LPAR1: variants seen among roughly 807,000 people sequenced by gnomAD.
LPAR1 encodes LPA receptor 1.
Under a neutral mutation model 23.8 loss-of-function variants are expected in LPAR1, and 5 were observed. That is an observed-to-expected ratio of 0.21 (90% confidence interval 0.11 to 0.44). The LOEUF (loss-of-function observed/expected upper bound fraction) is 0.44, where lower values mean the gene tolerates loss of function less well. Ranked by LOEUF, LPAR1 falls within the 20% of genes least tolerant of loss-of-function variation. LPAR1 has a pLI of 0.99. For missense variants in LPAR1, 311 were observed against 482.8 expected (o/e 0.64, Z 3.33); for synonymous variants, 160 against 164.7 (o/e 0.97, Z 0.22).
intron 4 of LPAR1, among the ~76,000 whole-genome samples, chr9:110,945,165 T>A (rs943385435): frequency 6.6e-6 from 1 of 152,114 alleles, no homozygotes; most frequent in Non-Finnish European, 1.5e-5. Context: ...TGAAAGCACC[T>A]CCAATGGCAG....
intron 5 of LPAR1, among the ~76,000 whole-genome samples, chr9:110,929,818 G>T (rs922201881): frequency 4.0e-5 from 6 of 151,530 alleles, no homozygotes; most frequent in African/African-American, 1.5e-4. Context: ...TTGTTTTTTA[G>T]TATAAGTATA....
intron 2 of LPAR1, among the ~76,000 whole-genome samples, chr9:110,980,416 G>A (rs1282128988): frequency 1.3e-5 from 2 of 151,994 alleles, no homozygotes; most frequent in East Asian, 3.9e-4. Context: ...CCTCTTTCCT[G>A]GCAAGCCTCA....
intron 4 of LPAR1, among the ~76,000 whole-genome samples, chr9:110,945,997 C>A (rs2095364096): frequency 6.6e-6 from 1 of 152,136 alleles, no homozygotes; most frequent in African/African-American, 2.4e-5. Context: ...GTAGTAGCCA[C>A]AGGCTCTGAG....
intron 5 of LPAR1, among the ~76,000 whole-genome samples, chr9:110,938,817 TGAGCCAAGATCATG>T (rs2094900121): frequency 6.6e-6 from 1 of 152,102 alleles, no homozygotes. Flanking sequence ...CAGGCTACAA[TGAGCCAAGATCATG>T]CCACTGCACT....
chr9:110,954,752 C>T (rs1327200913), intron 4 of LPAR1, among the ~76,000 whole-genome samples: 5 of 152,216 alleles, frequency 3.3e-5, no homozygotes, highest in Admixed American at 6.5e-5. Context: ...ATACTATACC[C>T]AGCAAAGTTA....
chr9:111,013,976 G>C (rs1046542257), intron 2 of LPAR1, among the ~76,000 whole-genome samples: 1 of 152,142 alleles, frequency 6.6e-6, no homozygotes, highest in Non-Finnish European at 1.5e-5. Context: ...CATCTATGCA[G>C]CTGTTTGTGC....
chr9:110,965,227 T>C (rs567926474), intron 4 of LPAR1, among the ~76,000 whole-genome samples: 46 of 152,232 alleles, frequency 3.0e-4, no homozygotes, highest in African/African-American at 1.0e-3. Context: ...TTAACTAAGA[T>C]ATTGAAAATC....
intron 5 of LPAR1, among the ~76,000 whole-genome samples, chr9:110,929,071 G>T (rs2094226659): frequency 6.6e-6 from 1 of 152,218 alleles, no homozygotes; most frequent in African/African-American, 2.4e-5. Context: ...AATAAGTGAA[G>T]CCATGAATTT....
chr9:110,932,489 ATGCCAGACATGGCCCTTCAC>A (rs1356284540), intron 5 of LPAR1, among the ~76,000 whole-genome samples: 4 of 152,256 alleles, frequency 2.6e-5, no homozygotes, highest in Non-Finnish European at 4.4e-5. Context: ...TCTTCCATAC[ATGCCAGACATGGCCCTTCAC>A]TGCTGATCAA....
chr9:111,004,213 C>T (rs1297435958), intron 2 of LPAR1, among the ~76,000 whole-genome samples: 1 of 152,162 alleles, frequency 6.6e-6, no homozygotes, highest in East Asian at 1.9e-4. Flanking sequence ...TCCTAGTCTT[C>T]AATTGGCCAC....
chr9:110,953,386 G>A lies in LPAR1; in HGVS notation c.46-11218C>T, dbSNP rs963764136. On this transcript the variant is annotated intron_variant, in intron 4 of 5. Coordinates refer to ENST00000683809, the MANE Select transcript of LPAR1 (RefSeq NM_001351411.2). ...TTAAAGAATTACAGACACATAGTCC[G>A]GGCGTAGTGGCTCATGCCTGTAATC... Among the ~76,000 whole-genome samples the A allele has an allele frequency of 7.2e-5, 11 of 152,148 alleles. No individual in the cohort carries two copies. The East Asian group carries it at 7.7e-4, about 11-fold the overall frequency.
At chr9:110,970,356 A>G (rs1366289004) in intron 4 of LPAR1, among the ~76,000 whole-genome samples, 1 of 152,180 alleles carries the variant, frequency 6.6e-6, no homozygotes, top group African/African-American at 2.4e-5. Flanking sequence ...CTCTTTGCCC[A>G]TTCTCCAAGT....
At chr9:110,940,041 C>A (rs1309073120) in intron 5 of LPAR1, among the ~76,000 whole-genome samples, 3 of 152,124 alleles carry the variant, frequency 2.0e-5, no homozygotes, top group African/African-American at 7.2e-5. Context: ...AATAAACATA[C>A]AGAGAAACCA....
intron 4 of LPAR1, among the ~76,000 whole-genome samples, chr9:110,963,139 A>G (rs946801346): frequency 1.3e-5 from 2 of 152,216 alleles, no homozygotes; most frequent in Non-Finnish European, 2.9e-5. Flanking sequence ...ATTAAAAAGG[A>G]TGTATTAGAA....
chr9:110,883,772 A>G (rs1219158879), intron 5 of LPAR1, among the ~76,000 whole-genome samples: 2 of 152,166 alleles, frequency 1.3e-5, no homozygotes, highest in Non-Finnish European at 2.9e-5. Context: ...CAACTTTTTA[A>G]TTATACAATT....
intron 2 of LPAR1, among the ~76,000 whole-genome samples, chr9:110,996,135 C>G (rs2139933080): frequency 6.6e-6 from 1 of 152,156 alleles, no homozygotes; most frequent in Middle Eastern, 3.4e-3. Context: ...TCCTACATGT[C>G]CAGAAAAACA....
In LPAR1 at chr9:110,920,794, C is replaced by T. The variant is rs375953723; in HGVS notation, c.793+20627G>A. Among the ~76,000 whole-genome samples the T allele has an allele frequency of 2.6e-5, 4 of 152,244 alleles. No homozygotes were observed. In the South Asian group the frequency reaches 6.2e-4, roughly 24 times the overall value. On this transcript the variant is annotated intron_variant, in intron 5 of 5. Coordinates refer to ENST00000683809, the MANE Select transcript of LPAR1 (RefSeq NM_001351411.2). ...ACCTACAATTTCATAAAAATCATCACAGATAATATGTCTACAAAGATATTG... is the reference window on the plus strand; with the variant it reads ...ACCTACAATTTCATAAAAATCATCATAGATAATATGTCTACAAAGATATTG...
intron 4 of LPAR1, among the ~76,000 whole-genome samples, chr9:110,950,994 T>G (rs944167233): frequency 6.6e-6 from 1 of 152,120 alleles, no homozygotes; most frequent in Non-Finnish European, 1.5e-5. Flanking sequence ...AGTTAGGACA[T>G]TGTGATATTG....
At chr9:110,961,617 C>CA (rs57773067) in intron 4 of LPAR1, among the ~76,000 whole-genome samples, 10,457 of 79,440 alleles carry the variant, frequency 0.13, 589 homozygotes, top group African/African-American at 0.16. Flanking sequence ...GAGACTATCT[C>CA]AAAAAAAAAA....
Sources: gnomAD v4.1 joint callset for allele counts (sites outside exome capture counted in the v4.1 genomes callset) on GRCh38, gnomAD v4.1.1 for gene constraint, MANE v1.5 for transcripts, NCBI Gene and HGNC (gene_info 2026-07-23, HGNC 2026-07-21) for gene names.